EFCAB13: variants seen among roughly 807,000 people sequenced by gnomAD.
EFCAB13 encodes EF-hand calcium binding domain 13.
EFCAB13 carries 91 observed loss-of-function variants against 110.2 expected under a neutral mutation model. The observed-to-expected ratio is 0.83, with a 90% CI of 0.70 to 0.98. The LOEUF (loss-of-function observed/expected upper bound fraction) is 0.98, where lower values mean the gene tolerates loss of function less well. EFCAB13 is among the 50% of genes least tolerant of loss of function. EFCAB13 has a pLI of 0.00. For missense variants in EFCAB13, 968 were observed against 1,119.4 expected (o/e 0.86, Z 1.93); for synonymous variants, 323 against 369.9 (o/e 0.87, Z 1.45).
intron 23 of EFCAB13, among the ~76,000 whole-genome samples, chr17:47,415,661 C>T (rs1402634068): frequency 6.6e-6 from 1 of 152,096 alleles, no homozygotes; most frequent in East Asian, 1.9e-4. Context: ...GAGGGACCAC[C>T]AGTTTTTGTG....
At chr17:47,401,470 C>T (rs193044959) in intron 17 of EFCAB13, among the ~76,000 whole-genome samples, 44 of 152,098 alleles carry the variant, frequency 2.9e-4, no homozygotes, top group East Asian at 9.6e-4. Context: ...CACTGAAAGA[C>T]GTCTTTAAAG....
At chr17:47,345,151 T>C (rs2065408180) in intron 8 of EFCAB13, 53 bp downstream of exon 8, 1 of 1,344,610 alleles carries the variant, frequency 7.4e-7, no homozygotes, top group East Asian at 2.4e-5. Flanking sequence ...ATGTGCTTTT[T>C]AGGAATTGTT....
chr17:47,420,760 C>T (rs1398731527), intron 23 of EFCAB13, among the ~76,000 whole-genome samples: 138 of 152,214 alleles, frequency 9.1e-4, no homozygotes, highest in Middle Eastern at 3.4e-3. Context: ...GCAGCCACCC[C>T]GTCTGGGAAG....
intron 10 of EFCAB13, among the ~76,000 whole-genome samples, chr17:47,363,060 C>G (rs1365163360): frequency 6.6e-6 from 1 of 152,116 alleles, no homozygotes; most frequent in East Asian, 1.9e-4. Flanking sequence ...CCCTGTGGGG[C>G]TGGACCCTAC....
chr17:47,429,843 C>G lies in EFCAB13; in HGVS notation c.2520C>G (p.Thr840=). The part of the protein sequence containing the change: ...SKATQILLAT[T]QILQNDLVDV... ...CTACACAGATACTCTTAGCTACTAC[C>G]CAAATTCTCCAGAATGATCTAGTTG... The change falls in exon 24 of 25, where the codon ACC becomes ACG. Residue 840 remains threonine, a synonymous_variant. Transcript: ENST00000331493. 1 of 1,608,126 alleles carries G rather than the reference C, an allele frequency of 6.2e-7. No individual in the cohort carries two copies. The highest frequency in any genetic ancestry group is 8.5e-7 in the Non-Finnish European group (1 of 1,176,348).
chr17:47,351,323 G>A lies in EFCAB13; in HGVS notation c.661+3372G>A, dbSNP rs964502595. Among the ~76,000 whole-genome samples, 36 of 150,858 alleles carry A rather than the reference G, an allele frequency of 2.4e-4. 1 individual carries two copies. The East Asian group carries it at 2.9e-3, about 12-fold the overall frequency. On this transcript the variant is annotated intron_variant, in intron 9 of 24. Transcript: ENST00000331493. ...TGTGTGTGCGCGCGCGCGCGCGCGC[G>A]CGCGCCACGTTTTCTTTATCCAGTC...
At chr17:47,341,160 A>C (rs1300448525) in intron 5 of EFCAB13, among the ~76,000 whole-genome samples, 1 of 152,118 alleles carries the variant, frequency 6.6e-6, no homozygotes, top group African/African-American at 2.4e-5. Context: ...AATAATTATA[A>C]TGATAATAAA....
intron 14 of EFCAB13, among the ~76,000 whole-genome samples, chr17:47,383,782 G>A (rs1392024837): frequency 6.6e-6 from 1 of 152,154 alleles, no homozygotes; most frequent in Non-Finnish European, 1.5e-5. Flanking sequence ...TTTAGAATAA[G>A]TGCGATGAAG....
At chr17:47,351,570 T>G (rs2065453456) in intron 9 of EFCAB13, among the ~76,000 whole-genome samples, 1 of 152,216 alleles carries the variant, frequency 6.6e-6, no homozygotes, top group African/African-American at 2.4e-5. Flanking sequence ...TTTGGCCATT[T>G]ATATATCTTC....
chr17:47,342,742 T>C (rs892160150), intron 6 of EFCAB13, among the ~76,000 whole-genome samples: 2 of 152,140 alleles, frequency 1.3e-5, no homozygotes, highest in Non-Finnish European at 2.9e-5. Flanking sequence ...CTTTGTATCT[T>C]CTGTTAGATG....
intron 10 of EFCAB13, among the ~76,000 whole-genome samples, chr17:47,366,276 A>G (rs1233142343): frequency 6.6e-6 from 1 of 151,816 alleles, no homozygotes; most frequent in East Asian, 1.9e-4. Context: ...TTAGAGGGTC[A>G]GGTATTTTGG....
At chr17:47,375,754 T>A (rs1280475847) in intron 12 of EFCAB13, among the ~76,000 whole-genome samples, 3 of 152,228 alleles carry the variant, frequency 2.0e-5, no homozygotes, top group Non-Finnish European at 4.4e-5. Context: ...GAAGGCCTGG[T>A]TTCTTTTGGA....
intron 23 of EFCAB13, among the ~76,000 whole-genome samples, chr17:47,418,777 T>C (rs1255425469): frequency 6.6e-6 from 1 of 152,226 alleles, no homozygotes; most frequent in East Asian, 1.9e-4. Flanking sequence ...AGATATTCAG[T>C]TGTCCTAGCA....
At position 47,374,907 on chromosome 17, in the gene EFCAB13, A is replaced by G. The variant is rs2065605997; in HGVS notation, c.1313A>G (p.Lys438Arg). The change falls in exon 12 of 25, where the codon AAG (lysine) becomes AGG (arginine). Residue 438 changes from lysine (K) to arginine (R), a missense_variant. By Grantham distance (26) the Lys-to-Arg change is conservative. Transcript: ENST00000331493. ...AAACTTCAGAAGCCAGCTGTAAGAA[A>G]GCATTCCAGTCTCCAAAAACAGGTT... is the stretch of plus-strand genomic sequence containing the variant. Reference protein sequence around the residue: ...IPKLQKPAVRKHSSLQKQVSS... With the variant: ...IPKLQKPAVRRHSSLQKQVSS... The G allele has an allele frequency of 6.2e-7, 1 of 1,604,160 alleles. No individual in the cohort carries two copies. The highest frequency in any genetic ancestry group is 1.3e-5 in the African/African-American group (1 of 74,182).
Position 47,439,959 on chromosome 17 carries a change from G to A in EFCAB13, c.2639-472G>A, listed in dbSNP as rs907640303. ...ATTTTTTTTTCATTGTTGTACTGCC[G>A]AATCCTATAAGTAGTATTTTACTTA... On this transcript the variant is annotated intron_variant, in intron 24 of 24. Coordinates refer to ENST00000331493, the MANE Select transcript of EFCAB13 (RefSeq NM_152347.5). Among the ~76,000 whole-genome samples, 9 of 151,392 alleles carry A rather than the reference G, an allele frequency of 5.9e-5. No homozygotes were observed. In the East Asian group the frequency reaches 9.7e-4, roughly 16 times the overall value.
In EFCAB13 at chr17:47,374,327, A is replaced by C. The variant is rs1366012778; in HGVS notation, c.878-145A>C. 3.1e-5 allele frequency: 18 copies of C among 589,344 alleles called. No homozygotes were observed. The East Asian group carries it at 6.1e-4, about 20-fold the overall frequency. 36.5% of individuals were successfully genotyped at this position (589,344 alleles called of 1,614,324 possible). A position where few individuals can be genotyped will look rare whatever the true frequency, so the allele number is the denominator to read the frequency against. On this transcript the variant is annotated intron_variant, in intron 11 of 24. Transcript: ENST00000331493. ...TTAATAGTCCAATCTTTTGACTGTC[A>C]GTTCTTTAATTTTTTTGGTTTGTTT...
chr17:47,408,696 C>T (rs1400465392), intron 20 of EFCAB13, among the ~76,000 whole-genome samples: 2 of 152,056 alleles, frequency 1.3e-5, no homozygotes, highest in African/African-American at 4.8e-5. Context: ...TCAAATCCCC[C>T]ATTGCCCCCC....
intron 22 of EFCAB13, among the ~76,000 whole-genome samples, chr17:47,413,688 AC>A (rs755847465): frequency 3.3e-5 from 5 of 152,030 alleles, no homozygotes; most frequent in Non-Finnish European, 5.9e-5. Flanking sequence ...TAGACTTCAC[AC>A]CCACATGAGA....
intron 20 of EFCAB13, among the ~76,000 whole-genome samples, chr17:47,408,960 G>A (rs1469684854): frequency 6.6e-6 from 1 of 152,070 alleles, no homozygotes; most frequent in Non-Finnish European, 1.5e-5. Context: ...ACTTTTTATA[G>A]GTTATTTGTT....
Sources: allele counts gnomAD v4.1 joint callset (sites outside exome capture counted in the v4.1 genomes callset), GRCh38; gene constraint gnomAD v4.1.1; transcripts MANE v1.5; gene names NCBI Gene and HGNC (gene_info 2026-07-23, HGNC 2026-07-21).